Variants in LEPR observed in about 807,000 individuals in gnomAD.
The protein encoded by LEPR is OB receptor.
Under a neutral mutation model 114.7 loss-of-function variants are expected in LEPR, and 56 were observed. The ratio of observed to expected loss-of-function variants is 0.49; its 90% confidence interval spans 0.39 to 0.61. LEPR has a LOEUF of 0.61. LEPR is among the 20% of genes least tolerant of loss of function. The pLI is 0.00. For missense variants in LEPR, 1,202 were observed against 1,352.9 expected (o/e 0.89, Z 1.75); for synonymous variants, 443 against 461.4 (o/e 0.96, Z 0.51).
At chr1:65,473,258 G>T (rs932084041) in intron 2 of LEPR, among the ~76,000 whole-genome samples, 4 of 152,190 alleles carry the variant, frequency 2.6e-5, no homozygotes, top group African/African-American at 9.7e-5. Context: ...TAAGAGAGAA[G>T]GATCTAGTCT....
intron 2 of LEPR, chr1:65,433,247 G>A (rs1168997020): frequency 2.0e-6 from 2 of 985,226 alleles, no homozygotes; most frequent in African/African-American, 3.5e-5. Flanking sequence ...AGATATAGGA[G>A]CCATGTAAGC....
intron 2 of LEPR, among the ~76,000 whole-genome samples, chr1:65,467,936 C>T (rs1466442588): frequency 1.3e-5 from 2 of 152,180 alleles, no homozygotes; most frequent in Non-Finnish European, 2.9e-5. Context: ...TCTCCAGGTA[C>T]AGTCTGTCAT....
At chr1:65,471,384 C>A (rs1032843032) in intron 2 of LEPR, among the ~76,000 whole-genome samples, 8 of 152,174 alleles carry the variant, frequency 5.3e-5, no homozygotes, top group African/African-American at 1.9e-4. Context: ...TTGGAAACGA[C>A]TGCTATTGGT....
chr1:65,618,272 A>T, intron 16 of LEPR, 126 bp downstream of exon 16: 1 of 711,046 alleles, frequency 1.4e-6, no homozygotes, highest in Non-Finnish European at 2.3e-6. Flanking sequence ...ATCCTAATAC[A>T]TATAATCCTA....
intron 2 of LEPR, among the ~76,000 whole-genome samples, chr1:65,448,140 G>A (rs1476413870): frequency 6.6e-6 from 1 of 152,180 alleles, no homozygotes; most frequent in Non-Finnish European, 1.5e-5. Context: ...CATTAAGTAT[G>A]ATGTTAGCTG....
chr1:65,492,148 C>A (rs1436999241), intron 2 of LEPR, among the ~76,000 whole-genome samples: 1 of 152,052 alleles, frequency 6.6e-6, no homozygotes. Context: ...AATAAAAAAT[C>A]TTTTCTGTGC....
At chr1:65,569,158 A>T (rs759737960) in intron 3 of LEPR, among the ~76,000 whole-genome samples, 1 of 152,106 alleles carries the variant, frequency 6.6e-6, no homozygotes, top group Non-Finnish European at 1.5e-5. Flanking sequence ...TTTAGCCCTG[A>T]ATAATATTTA....
At chr1:65,597,934 ATGT>A (rs66847928) in intron 7 of LEPR, among the ~76,000 whole-genome samples, 75,622 of 150,760 alleles carry the variant, frequency 0.5, 19,731 homozygotes, top group East Asian at 0.88. Flanking sequence ...TTAATATCTG[ATGT>A]TGTTTTATGC....
At chr1:65,495,819 A>AGATATGAGT (rs1648126818) in intron 2 of LEPR, among the ~76,000 whole-genome samples, 4 of 152,172 alleles carry the variant, frequency 2.6e-5, no homozygotes, top group African/African-American at 9.6e-5. Context: ...ACACACCACA[A>AGATATGAGT]GATCTCACTC....
intron 2 of LEPR, among the ~76,000 whole-genome samples, chr1:65,515,607 T>C (rs954036594): frequency 6.6e-6 from 1 of 152,216 alleles, no homozygotes; most frequent in Non-Finnish European, 1.5e-5. Flanking sequence ...TTTCTTGTTA[T>C]TAGTATTTGT....
chr1:65,445,336 TGTTA>T (rs1194902257), intron 2 of LEPR, among the ~76,000 whole-genome samples: 12 of 152,316 alleles, frequency 7.9e-5, no homozygotes, highest in Admixed American at 3.9e-4. Flanking sequence ...AAGGTAGGTT[TGTTA>T]GTTTGTTTTT....
chr1:65,442,209 G>C (rs7534350), intron 2 of LEPR, among the ~76,000 whole-genome samples: 45,207 of 152,058 alleles, frequency 0.3, 8,589 homozygotes, highest in Non-Finnish European at 0.42. Flanking sequence ...CCAAAAGGTT[G>C]GTGCCTTATG....
intron 2 of LEPR, among the ~76,000 whole-genome samples, chr1:65,489,251 C>T (rs1161842407): frequency 4.6e-5 from 7 of 152,142 alleles, no homozygotes; most frequent in Non-Finnish European, 1.0e-4. Flanking sequence ...TAGGGACTCC[C>T]CTTTTGCCAC....
chr1:65,593,529 G>A (rs2100901910), intron 6 of LEPR, among the ~76,000 whole-genome samples: 1 of 152,082 alleles, frequency 6.6e-6, no homozygotes, highest in Admixed American at 6.6e-5. Flanking sequence ...GTATAATTTA[G>A]CAGTTTTTCT....
chr1:65,529,241 C>T (rs904232853), intron 2 of LEPR, among the ~76,000 whole-genome samples: 7 of 152,154 alleles, frequency 4.6e-5, no homozygotes, highest in Non-Finnish European at 4.4e-5. Context: ...GTTATCTCGG[C>T]TGGGCATGGT....
At chr1:65,627,050 T>C (rs952518344) in intron 19 of LEPR, among the ~76,000 whole-genome samples, 7 of 152,184 alleles carry the variant, frequency 4.6e-5, no homozygotes, top group African/African-American at 1.7e-4. Context: ...ATTTAAATTA[T>C]TTCATAGGGC....
rs907658951 is a variant in LEPR at position 65,630,299 on chromosome 1, A to G, written c.2674-5892A>G. The G allele has an allele frequency of 8.3e-5, 23 of 275,992 alleles. No individual in the cohort carries two copies. The highest frequency in any genetic ancestry group is 1.4e-4 in the Non-Finnish European group (20 of 143,604). 17.1% of individuals were successfully genotyped at this position (275,992 alleles called of 1,614,324 possible). A position where few individuals can be genotyped will look rare whatever the true frequency, so the allele number is the denominator to read the frequency against. On this transcript the variant is annotated intron_variant, in intron 19 of 19. Coordinates refer to ENST00000349533, the MANE Select transcript of LEPR (RefSeq NM_002303.6). ...TGCGGAAGGCCACAGGGTCCTCTGCATAGGAAAACCAGAGACCTTTGTTCA... is the reference window on the plus strand; with the variant it reads ...TGCGGAAGGCCACAGGGTCCTCTGCGTAGGAAAACCAGAGACCTTTGTTCA...
chr1:65,617,161 T>G (rs1657577865), intron 15 of LEPR, among the ~76,000 whole-genome samples: 1 of 152,132 alleles, frequency 6.6e-6, no homozygotes, highest in Non-Finnish European at 1.5e-5. Flanking sequence ...GGTTGGAGTG[T>G]CCAGAGCCTA....
intron 2 of LEPR, among the ~76,000 whole-genome samples, chr1:65,431,597 G>A (rs898858570): frequency 2.4e-4 from 36 of 152,168 alleles, no homozygotes; most frequent in African/African-American, 7.7e-4. Flanking sequence ...AACATGTTAA[G>A]GATGATACCA....
Sources: gnomAD v4.1 joint callset for allele counts (sites outside exome capture counted in the v4.1 genomes callset) on GRCh38, gnomAD v4.1.1 for gene constraint, MANE v1.5 for transcripts, NCBI Gene and HGNC (gene_info 2026-07-23, HGNC 2026-07-21) for gene names.